Variants in GTPBP4 observed in about 807,000 individuals in gnomAD.
The protein encoded by GTPBP4 is GTP-binding protein 4.
GTPBP4 carries 15 observed loss-of-function variants against 81.7 expected under a neutral mutation model. That is an observed-to-expected ratio of 0.18 (90% CI 0.12 to 0.28). GTPBP4 has a LOEUF of 0.28. Among genes scored for constraint, GTPBP4 ranks in the 10% least tolerant of loss-of-function variants. The probability of loss-of-function intolerance (pLI) is 1.00; values close to 1 mark genes in which losing one functional copy is unlikely to be tolerated. For synonymous variants in GTPBP4, 272 were observed against 274.6 expected (o/e 0.99, Z 0.09); for missense variants, 847 against 793.8 (o/e 1.07, Z -0.81).
chr10:997,002 CA>C (rs1831547893), intron 4 of GTPBP4: 2 of 551,122 alleles, frequency 3.6e-6, no homozygotes, highest in Non-Finnish European at 6.4e-6. Flanking sequence ...TGATTCTTAC[CA>C]GAGCCAAACT....
intron 13 of GTPBP4, among the ~76,000 whole-genome samples, chr10:1,011,814 G>A (rs1361768615): frequency 6.6e-6 from 1 of 152,190 alleles, no homozygotes. Context: ...GTGGCCGCCT[G>A]CCTTCCCAGC....
rs1247476901 is a variant in GTPBP4, at chr10:996,901, A to G, written c.461-307A>G. The G allele has an allele frequency of 3.4e-5, 11 of 324,190 alleles. No homozygotes were observed. In the South Asian group the frequency reaches 3.5e-4, roughly 10 times the overall value. The allele number at this position is 324,190 out of a possible 1,614,324, so 20.1% of individuals were successfully genotyped here. A position where few individuals can be genotyped will look rare whatever the true frequency, so the allele number is the denominator to read the frequency against. On this transcript the variant is annotated intron_variant, in intron 4 of 16. Coordinates refer to ENST00000360803, the MANE Select transcript of GTPBP4 (RefSeq NM_012341.3). ...ACTGGTTCCCTAATGTCATCTTGCT[A>G]ATGAGAATTGTCTGGACACTGCCAG...
At chr10:997,942 C>T (rs1831562450) in intron 5 of GTPBP4, among the ~76,000 whole-genome samples, 1 of 152,150 alleles carries the variant, frequency 6.6e-6, no homozygotes, top group Admixed American at 6.5e-5. Context: ...GAAAGTTTGG[C>T]TGAGTTTCAG....
At chr10:994,691 C>T (rs547867144) in intron 2 of GTPBP4, among the ~76,000 whole-genome samples, 1 of 152,288 alleles carries the variant, frequency 6.6e-6, no homozygotes, top group South Asian at 2.1e-4. Context: ...TTGTCTTTTT[C>T]ATCCTCAGTG....
intron 9 of GTPBP4, among the ~76,000 whole-genome samples, chr10:1,006,574 G>A (rs1831739793): frequency 6.6e-6 from 1 of 152,188 alleles, no homozygotes; most frequent in Non-Finnish European, 1.5e-5. Context: ...GGAGGCGGAG[G>A]TTGCTGTGAG....
chr10:992,810 T>G, intron 2 of GTPBP4, 151 bp downstream of exon 2: 1 of 579,496 alleles, frequency 1.7e-6, no homozygotes, highest in South Asian at 2.3e-5. Context: ...ACTAATTTGT[T>G]GAATTTATAA....
rs776780766 is a variant in GTPBP4 at position 988,524 on chromosome 10, C to G, written c.45C>G (p.Ala15=). The G allele has an allele frequency of 3.7e-6, 6 of 1,611,800 alleles. No individual in the cohort carries two copies. The African/African-American group carries it at 8.0e-5, about 22-fold the overall frequency. The change falls in exon 1 of 17, where the codon GCC becomes GCG. Residue 15 remains alanine (A), a synonymous_variant. Coordinates refer to ENST00000360803, the MANE Select transcript of GTPBP4 (RefSeq NM_012341.3). ...NFKKITVVPS[A]KDFIDLTLSK... The stretch of plus-strand genomic sequence containing the variant: ...AGAAAATTACGGTGGTGCCGTCCGC[C>G]AAGGTAGGCGGCCCCGGGAGGGCCA...
chr10:1,010,555 C>G, intron 13 of GTPBP4, 35 bp downstream of exon 13: 1 of 1,141,542 alleles, frequency 8.8e-7, no homozygotes, highest in Non-Finnish European at 1.3e-6. Flanking sequence ...GATTGTTTTC[C>G]TTTTTATTAT....
At position 988,469 on chromosome 10, in the gene GTPBP4, C is replaced by G; in HGVS notation, c.-11C>G. The G allele has an allele frequency of 6.2e-7, 1 of 1,611,870 alleles. No homozygotes were observed. Among genetic ancestry groups the G allele is most frequent in the Non-Finnish European group, 8.5e-7 (1 of 1,178,438 alleles). On this transcript the variant is annotated 5_prime_UTR_variant, in exon 1 of 17. Transcript: ENST00000360803. ...GGAGTGCCAAGTACCCGCGTGCATA[C>G]GGCTGCCGGCATGGCACATTACAAC...
At chr10:1,014,184 G>T in intron 14 of GTPBP4, 63 bp from the exon 15 acceptor site, 2 of 1,020,872 alleles carry the variant, frequency 2.0e-6, no homozygotes, top group Non-Finnish European at 3.1e-6. Flanking sequence ...ATATTGCCTT[G>T]AAGTTTTTTT....
At chr10:1,009,420 C>T (rs1371382068) in intron 11 of GTPBP4, 109 bp from the exon 12 acceptor site, 2 of 807,474 alleles carry the variant, frequency 2.5e-6, no homozygotes, top group Non-Finnish European at 4.4e-6. Context: ...GTGAACCCCA[C>T]TGATACTGAG....
chr10:999,668 C>T (rs145611943), intron 6 of GTPBP4, among the ~76,000 whole-genome samples: 7 of 152,234 alleles, frequency 4.6e-5, no homozygotes, highest in African/African-American at 7.2e-5. Flanking sequence ...AGTTTAAAAG[C>T]GTGAAGCAGG....
chr10:1,002,126 C>G (rs1831646034), intron 8 of GTPBP4, among the ~76,000 whole-genome samples: 1 of 152,006 alleles, frequency 6.6e-6, no homozygotes, highest in Non-Finnish European at 1.5e-5. Flanking sequence ...TTTTACCATA[C>G]CGGCCAGGCT....
chr10:1,017,037 A>G, intron 16 of GTPBP4, 38 bp from the exon 17 acceptor site: 1 of 1,568,992 alleles, frequency 6.4e-7, no homozygotes, highest in Non-Finnish European at 8.7e-7. Flanking sequence ...ATTGGTTTTA[A>G]GTAATGAACA....
intron 1 of GTPBP4, 78 bp downstream of exon 1, chr10:988,605 C>T: frequency 8.8e-7 from 1 of 1,131,002 alleles, no homozygotes; most frequent in South Asian, 1.2e-5. Context: ...GGGCCTGTAG[C>T]CGTGGGAGAG....
At chr10:1,011,915 G>A (rs565273148) in intron 13 of GTPBP4, among the ~76,000 whole-genome samples, 10 of 152,314 alleles carry the variant, frequency 6.6e-5, no homozygotes, top group African/African-American at 2.2e-4. Flanking sequence ...CCCCTTCCAC[G>A]AGGCCTGGCC....
At chr10:1,009,775 C>G (rs569564223) in intron 12 of GTPBP4, among the ~76,000 whole-genome samples, 195 bp downstream of exon 12, 1 of 152,282 alleles carries the variant, frequency 6.6e-6, no homozygotes, top group Non-Finnish European at 1.5e-5. Context: ...ACTTTGGATC[C>G]CTTATGCCCA....
At chr10:1,007,235 A>C (rs1831758538) in intron 10 of GTPBP4, 107 bp downstream of exon 10, 1 of 662,124 alleles carries the variant, frequency 1.5e-6, no homozygotes. Context: ...TCGCAGGTGG[A>C]TATTGTGGGT....
intron 8 of GTPBP4, among the ~76,000 whole-genome samples, chr10:1,004,415 C>T (rs1320203899): frequency 2.0e-5 from 3 of 152,072 alleles, no homozygotes; most frequent in Admixed American, 6.5e-5. Context: ...GCAGGTGCCT[C>T]GGCTCAGCCC....
Sources: allele counts gnomAD v4.1 joint callset (sites outside exome capture counted in the v4.1 genomes callset), GRCh38; gene constraint gnomAD v4.1.1; transcripts MANE v1.5; gene names NCBI Gene and HGNC (gene_info 2026-07-23, HGNC 2026-07-21).